The following RPS6KC1 variants were observed in gnomAD, a reference collection of about 807,000 sequenced individuals.
RPS6KC1 encodes the protein ribosomal protein S6 kinase C1, also known as inactive ribosomal protein S6 kinase delta-1.
In RPS6KC1, 54 loss-of-function variants were observed where a neutral mutation model predicts 103.8. That is an observed-to-expected ratio of 0.52 (90% CI 0.42 to 0.65). The LOEUF is 0.65. Among genes scored for constraint, RPS6KC1 ranks in the 30% least tolerant of loss-of-function variants. The pLI is 0.00. For synonymous variants in RPS6KC1, 439 were observed against 438.7 expected (o/e 1.00, Z -0.01); for missense variants, 1,151 against 1,253.8 (o/e 0.92, Z 1.24).
At chr1:213,574,598 A>T in the RPS6KC1 span, among the ~76,000 whole-genome samples, 13,540 of 152,182 alleles carry the variant, frequency 0.089, 1,057 homozygotes, top group East Asian at 0.29. Context: ...TGAAACATTT[A>T]TGAGATAAAC....
the RPS6KC1 span, among the ~76,000 whole-genome samples, chr1:213,655,163 C>G: frequency 6.6e-6 from 1 of 152,088 alleles, no homozygotes; most frequent in Admixed American, 6.6e-5. Flanking sequence ...GTGCCTCAGC[C>G]TCTCGAGTAG....
the RPS6KC1 span, among the ~76,000 whole-genome samples, chr1:213,752,457 C>G: frequency 6.6e-6 from 1 of 152,194 alleles, no homozygotes; most frequent in Non-Finnish European, 1.5e-5. Context: ...AGCTCTTAAC[C>G]TAGTCATAAA....
the RPS6KC1 span, among the ~76,000 whole-genome samples, chr1:213,402,370 A>G: frequency 1.3e-5 from 2 of 152,188 alleles, no homozygotes; most frequent in East Asian, 1.9e-4. Context: ...TCTAAGTCCC[A>G]GGAAATACTC....
In RPS6KC1 at chr1:213,129,888, A is replaced by G; in HGVS notation, c.834A>G (p.Gln278=). ...KGVDLLLEGV[Q]GESSPTRREA... is the part of the protein sequence containing the mutation. The stretch of plus-strand genomic sequence containing the variant: ...TTGATTTACTCCTAGAAGGTGTTCA[A>G]GGTATGGTTTTATGTATATTATGTT... Residue 278 remains glutamine (Q), a splice_region_variant and synonymous_variant, in exon 6 of 15, where the codon CAA becomes CAG. Transcript: ENST00000366960. The G allele has an allele frequency of 6.3e-7, 1 of 1,590,002 alleles. No homozygotes were observed.
At chr1:213,438,050 T>TTC in the RPS6KC1 span, among the ~76,000 whole-genome samples, 1 of 152,162 alleles carries the variant, frequency 6.6e-6, no homozygotes, top group Non-Finnish European at 1.5e-5. Context: ...TCCAGTTGAA[T>TTC]AACTTCTTCT....
At chr1:213,844,930 G>A in the RPS6KC1 span, among the ~76,000 whole-genome samples, 1 of 152,024 alleles carries the variant, frequency 6.6e-6, no homozygotes, top group Non-Finnish European at 1.5e-5. Flanking sequence ...GCATGTTAAA[G>A]CCTTTGAGAA....
chr1:213,310,329 C>T, the RPS6KC1 span, among the ~76,000 whole-genome samples: 3 of 152,230 alleles, frequency 2.0e-5, no homozygotes, highest in East Asian at 5.8e-4. Flanking sequence ...CTGGCTCCTG[C>T]TCACCTCTGT....
At chr1:213,320,712 A>G in the RPS6KC1 span, among the ~76,000 whole-genome samples, 1 of 152,206 alleles carries the variant, frequency 6.6e-6, no homozygotes, top group Non-Finnish European at 1.5e-5. Flanking sequence ...TTGCTTTAGA[A>G]TGCATTTTCC....
chr1:213,164,370 G>A (rs1238499639), intron 6 of RPS6KC1, among the ~76,000 whole-genome samples: 1 of 151,958 alleles, frequency 6.6e-6, no homozygotes, highest in Non-Finnish European at 1.5e-5. Flanking sequence ...CAACAACTTT[G>A]GATTTTCTCC....
chr1:213,131,466 TAG>T (rs1553337803), intron 6 of RPS6KC1, among the ~76,000 whole-genome samples: 1 of 151,214 alleles, frequency 6.6e-6, no homozygotes, highest in Non-Finnish European at 1.5e-5. Flanking sequence ...TTTTTTGAGA[TAG>T]AGTTTCATTC....
At chr1:213,707,563 AAT>A in the RPS6KC1 span, among the ~76,000 whole-genome samples, 1 of 152,090 alleles carries the variant, frequency 6.6e-6, no homozygotes, top group Non-Finnish European at 1.5e-5. Flanking sequence ...CTCATTTGTC[AAT>A]TTTGACTTTT....
At chr1:213,164,948 G>C (rs928678835) in intron 6 of RPS6KC1, among the ~76,000 whole-genome samples, 1 of 152,176 alleles carries the variant, frequency 6.6e-6, no homozygotes, top group Non-Finnish European at 1.5e-5. Context: ...GACTGTGTGT[G>C]TGTATTTTAA....
At chr1:213,399,812 T>TGGCTTGGAGTGGCATGCTGTTTTCA in the RPS6KC1 span, among the ~76,000 whole-genome samples, 5 of 152,106 alleles carry the variant, frequency 3.3e-5, no homozygotes, top group Non-Finnish European at 7.4e-5. Flanking sequence ...AGATGGCAGA[T>TGGCTTGGAGTGGCATGCTGTTTTCA]GGCTTGGAGT....
chr1:213,528,115 C>G, the RPS6KC1 span, among the ~76,000 whole-genome samples: 1 of 152,048 alleles, frequency 6.6e-6, no homozygotes, highest in Non-Finnish European at 1.5e-5. Context: ...AGCTGTTGTA[C>G]TAGTCCGTTC....
chr1:213,697,729 G>A, the RPS6KC1 span, among the ~76,000 whole-genome samples: 1 of 152,160 alleles, frequency 6.6e-6, no homozygotes, highest in African/African-American at 2.4e-5. Flanking sequence ...GAGCTAAAGG[G>A]CCAGGATACA....
intron 5 of RPS6KC1, 71 bp downstream of exon 5, chr1:213,117,481 CA>C: frequency 1.2e-6 from 1 of 829,258 alleles, no homozygotes; most frequent in South Asian, 1.6e-5. Context: ...ATCTGCATTG[CA>C]AAAAGACAGA....
At chr1:213,331,848 G>C in the RPS6KC1 span, among the ~76,000 whole-genome samples, 5 of 152,190 alleles carry the variant, frequency 3.3e-5, no homozygotes, top group South Asian at 1.0e-3. Flanking sequence ...TGGCCTCTCT[G>C]CTGGCCTCCT....
chr1:213,261,654 T>C lies in RPS6KC1; in HGVS notation c.2994+14T>C. On this transcript the variant is annotated intron_variant, in intron 13 of 14. Transcript: ENST00000366960. Reference sequence around the variant, plus strand: ...CTCACTGGCAAGGTAAGCAGTGGCCTGGACGTTTAATAAATTTACTCAGAT... The same window carrying C: ...CTCACTGGCAAGGTAAGCAGTGGCCCGGACGTTTAATAAATTTACTCAGAT... 1 of 1,606,032 alleles carries C rather than the reference T, an allele frequency of 6.2e-7. No individual in the cohort carries two copies. Among genetic ancestry groups the C allele is most frequent in the Non-Finnish European group, 8.5e-7 (1 of 1,172,818 alleles).
At chr1:213,191,010 C>T (rs1027529889) in intron 8 of RPS6KC1, among the ~76,000 whole-genome samples, 4 of 152,084 alleles carry the variant, frequency 2.6e-5, no homozygotes, top group Non-Finnish European at 5.9e-5. Context: ...ATCTTTGTGT[C>T]TGTGTTTATG....
Sources: allele counts gnomAD v4.1 joint callset (sites outside exome capture counted in the v4.1 genomes callset), GRCh38; gene constraint gnomAD v4.1.1; transcripts MANE v1.5; gene names NCBI Gene and HGNC (gene_info 2026-07-23, HGNC 2026-07-21).